ARHGEF10: variants seen among roughly 807,000 people sequenced by gnomAD.
ARHGEF10 encodes Rho guanine nucleotide exchange factor (GEF) 10.
In ARHGEF10, 140 loss-of-function variants were observed where a neutral mutation model predicts 147.4. That is an observed-to-expected ratio of 0.95 (90% CI 0.83 to 1.09). The LOEUF is 1.09. Ranked by LOEUF, ARHGEF10 falls within the 50% of genes least tolerant of loss-of-function variation. The probability of loss-of-function intolerance (pLI) is 0.00; values close to 1 mark genes in which losing one functional copy is unlikely to be tolerated. For missense variants in ARHGEF10, 2,222 were observed against 1,752.7 expected, an observed-to-expected ratio of 1.27 and a Z score of -4.78; for synonymous variants, 902 against 695.8, an observed-to-expected ratio of 1.30 and a Z score of -4.67.
chr8:1,897,501 G>C lies in ARHGEF10; in HGVS notation c.1558-932G>C, dbSNP rs113413692. 5.3e-3 allele frequency among the ~76,000 whole-genome samples: 661 copies of C among 124,034 alleles called. 2 individuals are homozygous for C. Among genetic ancestry groups the C allele is most frequent in the South Asian group, 0.015 (46 of 3,112 alleles). The allele number at this position is 124,034 out of a possible 152,430, so 81.4% of individuals were successfully genotyped here. On this transcript the variant is annotated intron_variant, in intron 14 of 28. Transcript: ENST00000349830. ...GGGATCGGATCGCAGTTCCCCCTCTGGACAGCTGTGGGCTCTGTCCTAAGG... is the reference window on the plus strand; with the variant it reads ...GGGATCGGATCGCAGTTCCCCCTCTCGACAGCTGTGGGCTCTGTCCTAAGG...
intron 26 of ARHGEF10, among the ~76,000 whole-genome samples, chr8:1,942,969 A>G (rs1162697331): frequency 6.6e-6 from 1 of 152,202 alleles, no homozygotes; most frequent in East Asian, 1.9e-4. Flanking sequence ...TCTGGAATTC[A>G]AGAGTGGTTA....
chr8:1,841,993 CCGCGGCGGGAACTGGGGCCGCGGCG>C (rs1804115462), intron 1 of ARHGEF10, among the ~76,000 whole-genome samples: 1 of 70,900 alleles, frequency 1.4e-5, no homozygotes, highest in Admixed American at 1.6e-4. Flanking sequence ...GGAACTGGGG[CCGCGGCGGGAACTGGGGCCGCGGCG>C]GGAACTGGGG....
chr8:1,897,279 G>A (rs996669794), intron 14 of ARHGEF10, among the ~76,000 whole-genome samples: 2 of 152,210 alleles, frequency 1.3e-5, no homozygotes, highest in African/African-American at 2.4e-5. Context: ...CCAGCACGGC[G>A]GCTCCTGCTC....
intron 10 of ARHGEF10, among the ~76,000 whole-genome samples, chr8:1,885,138 C>T (rs1466209094): frequency 6.6e-6 from 1 of 152,162 alleles, no homozygotes; most frequent in African/African-American, 2.4e-5. Context: ...GTGAGAGAGA[C>T]AGAAGAAATA....
intron 25 of ARHGEF10, among the ~76,000 whole-genome samples, chr8:1,930,500 C>G (rs1235392980): frequency 6.6e-6 from 1 of 152,084 alleles, no homozygotes; most frequent in Non-Finnish European, 1.5e-5. Context: ...CTCCCCGCCC[C>G]CCCGCTGAAA....
chr8:1,851,927 A>G (rs74499148), intron 2 of ARHGEF10, among the ~76,000 whole-genome samples: 1 of 147,672 alleles, frequency 6.8e-6, no homozygotes, highest in Non-Finnish European at 1.5e-5. Flanking sequence ...AAAAAAAAAA[A>G]TTAATAACCA....
chr8:1,837,177 C>T (rs548746813), intron 1 of ARHGEF10, among the ~76,000 whole-genome samples: 3 of 152,324 alleles, frequency 2.0e-5, no homozygotes, highest in South Asian at 4.1e-4. Context: ...GTCAGGATGC[C>T]GGTGGTAGGG....
chr8:1,921,253 A>G (rs750770514), intron 18 of ARHGEF10, among the ~76,000 whole-genome samples: 7 of 152,354 alleles, frequency 4.6e-5, no homozygotes, highest in South Asian at 2.1e-4. Context: ...CCTCAGTTAT[A>G]TAGTAAATAT....
intron 27 of ARHGEF10, among the ~76,000 whole-genome samples, chr8:1,951,066 G>A (rs1408354743): frequency 2.0e-5 from 3 of 152,188 alleles, no homozygotes; most frequent in Admixed American, 6.5e-5. Flanking sequence ...ACGGAGGGCC[G>A]GGGAGGCCGG....
chr8:1,916,114 A>G (rs1371212536), intron 18 of ARHGEF10, among the ~76,000 whole-genome samples: 1 of 152,234 alleles, frequency 6.6e-6, no homozygotes, highest in Non-Finnish European at 1.5e-5. Context: ...AGGAAAGTGC[A>G]GCTGGCACAT....
intron 1 of ARHGEF10, among the ~76,000 whole-genome samples, chr8:1,835,779 C>A (rs1433752186): frequency 6.6e-6 from 1 of 152,190 alleles, no homozygotes; most frequent in Non-Finnish European, 1.5e-5. Flanking sequence ...TGTGTGTAAA[C>A]ACTTATAGAA....
At chr8:1,956,373 T>C (rs1815566594) in intron 28 of ARHGEF10, among the ~76,000 whole-genome samples, 1 of 152,202 alleles carries the variant, frequency 6.6e-6, no homozygotes, top group African/African-American at 2.4e-5. Context: ...CGTTAATATT[T>C]CTAATCAAGA....
At chr8:1,919,656 T>G (rs1223924255) in intron 18 of ARHGEF10, among the ~76,000 whole-genome samples, 1 of 149,666 alleles carries the variant, frequency 6.7e-6, no homozygotes, top group African/African-American at 2.5e-5. Context: ...TGAGCTGTTC[T>G]GTCAGTGATG....
chr8:1,950,731 T>TG (rs1814968758), intron 27 of ARHGEF10, among the ~76,000 whole-genome samples: 1 of 1,648 alleles, frequency 6.1e-4, no homozygotes, highest in African/African-American at 1.2e-3. Flanking sequence ...GTTTTTTAGG[T>TG]TTTTTTTTTT....
At chr8:1,832,700 G>GGCAGAGA in intron 1 of ARHGEF10, among the ~76,000 whole-genome samples, 1 of 7,772 alleles carries the variant, frequency 1.3e-4, no homozygotes, top group African/African-American at 4.2e-4. Context: ...AGAGAGACAG[G>GGCAGAGA]CAGAGGCAGA....
intron 2 of ARHGEF10, among the ~76,000 whole-genome samples, chr8:1,853,340 G>A (rs13258327): frequency 0.44 from 67,179 of 152,132 alleles, 16,404 homozygotes; most frequent in Non-Finnish European, 0.56. Flanking sequence ...ACCAACGGGC[G>A]GAGAACACTG....
chr8:1,829,987 A>AG (rs1802990379), intron 1 of ARHGEF10, among the ~76,000 whole-genome samples: 1 of 152,190 alleles, frequency 6.6e-6, no homozygotes, highest in African/African-American at 2.4e-5. Context: ...GGTAGCAAGA[A>AG]GGAGAGGGTT....
chr8:1,884,712 C>T (rs960022141), intron 10 of ARHGEF10, among the ~76,000 whole-genome samples: 1 of 152,148 alleles, frequency 6.6e-6, no homozygotes, highest in Non-Finnish European at 1.5e-5. Flanking sequence ...GATTTCCAGC[C>T]ATTTTGTGGA....
chr8:1,915,719 AC>A (rs1247839670), intron 18 of ARHGEF10, among the ~76,000 whole-genome samples: 1 of 152,174 alleles, frequency 6.6e-6, no homozygotes, highest in African/African-American at 2.4e-5. Flanking sequence ...TCAGTAACAC[AC>A]CCTTCAAACT....
Sources: allele counts gnomAD v4.1 joint callset (sites outside exome capture counted in the v4.1 genomes callset), GRCh38; gene constraint gnomAD v4.1.1; transcripts MANE v1.5; gene names NCBI Gene and HGNC (gene_info 2026-07-23, HGNC 2026-07-21).